Variants in UTP20 observed in about 807,000 individuals in gnomAD.
UTP20 encodes the protein small subunit processome component 20 homolog.
In UTP20, 164 loss-of-function variants were observed where a neutral mutation model predicts 329.5. The observed-to-expected ratio is 0.50, with a 90% CI of 0.44 to 0.57. The LOEUF is 0.57. Ranked by LOEUF, UTP20 falls within the 20% of genes least tolerant of loss-of-function variation. The pLI is 0.00. For missense variants in UTP20, 3,055 were observed against 3,284.2 expected (o/e 0.93, Z 1.71); for synonymous variants, 1,151 against 1,159.3 (o/e 0.99, Z 0.14).
chr12:101,334,506 T>C lies in UTP20; in HGVS notation c.3641+2T>C. Reference sequence around the variant, plus strand: ...CAGTATCTGGAGCAGAAACGCAAGGTATAACCTTTCTTTTTTCCTTCTTTA... The same window carrying C: ...CAGTATCTGGAGCAGAAACGCAAGGCATAACCTTTCTTTTTTCCTTCTTTA... On this transcript the variant is annotated splice_donor_variant, in intron 29 of 61. Coordinates refer to ENST00000261637, the MANE Select transcript of UTP20 (RefSeq NM_014503.3). LOFTEE classifies it high-confidence loss of function. 6.2e-7 allele frequency: 1 copy of C among 1,608,392 alleles called. No individual in the cohort carries two copies. The highest frequency in any genetic ancestry group is 8.5e-7 in the Non-Finnish European group (1 of 1,179,172).
chr12:101,334,532 A>T (rs779556264), intron 29 of UTP20, 28 bp downstream of exon 29: 1 of 1,587,060 alleles, frequency 6.3e-7, no homozygotes, highest in Non-Finnish European at 8.6e-7. Context: ...TCCTTCTTTA[A>T]AAAGGGCAGT....
intron 41 of UTP20, 116 bp downstream of exon 41, chr12:101,355,234 A>G: frequency 8.3e-7 from 1 of 1,200,714 alleles, no homozygotes; most frequent in South Asian, 1.5e-5. Flanking sequence ...ATTTCCTTTT[A>G]TCTCAACACT....
At chr12:101,347,448 A>C (rs1291666215) in intron 38 of UTP20, among the ~76,000 whole-genome samples, 1 of 152,066 alleles carries the variant, frequency 6.6e-6, no homozygotes, top group African/African-American at 2.4e-5. Context: ...ATTTGAACCC[A>C]GGAGGCAGAG....
Position 101,280,261 on chromosome 12 carries a change from G to C in UTP20, c.-22G>C. On this transcript the variant is annotated 5_prime_UTR_variant, in exon 1 of 62. Transcript: ENST00000261637. ...CCTTCGACACTCCCGAGGCCGTCGCGGGCCACTGGCCCTCTGCAGCCATGA... is the reference window on the plus strand; with the variant it reads ...CCTTCGACACTCCCGAGGCCGTCGCCGGCCACTGGCCCTCTGCAGCCATGA... The C allele has an allele frequency of 6.4e-7, 1 of 1,551,648 alleles. No individual in the cohort carries two copies. Among genetic ancestry groups the C allele is most frequent in the Non-Finnish European group, 8.7e-7 (1 of 1,146,944 alleles).
In UTP20 at chr12:101,327,165, G is replaced by A; in HGVS notation, c.3126G>A (p.Leu1042=). 1 of 1,613,212 alleles carries A rather than the reference G, an allele frequency of 6.2e-7. No homozygotes were observed. The highest frequency in any genetic ancestry group is 8.5e-7 in the Non-Finnish European group (1 of 1,179,220). Residue 1042 remains leucine (L), a synonymous_variant, in exon 26 of 62, where the codon CTG becomes CTA. Coordinates refer to ENST00000261637, the MANE Select transcript of UTP20 (RefSeq NM_014503.3). The stretch of plus-strand genomic sequence containing the variant: ...CAGGCACCCGCATGGCCATTGTCCT[G>A]CGGTTCCTGGCCGGGACCCAACCTG... ...SASGTRMAIV[L]RFLAGTQPEE...
In UTP20 at chr12:101,375,683, G is replaced by A; in HGVS notation, c.7323G>A (p.Leu2441=). The change falls in exon 56 of 62, where the codon CTG becomes CTA. Residue 2441 remains leucine, a synonymous_variant. Coordinates refer to ENST00000261637, the MANE Select transcript of UTP20 (RefSeq NM_014503.3). ...ADRLLFSFLT[L]ITKLIKECNI... Reference sequence around the variant, plus strand: ...GCCTTCTGTTTAGTTTTCTTACACTGATAACTAAACTTATCAAGGAATGTA... The same window carrying A: ...GCCTTCTGTTTAGTTTTCTTACACTAATAACTAAACTTATCAAGGAATGTA... 1 of 1,609,700 alleles carries A rather than the reference G, an allele frequency of 6.2e-7. No homozygotes were observed. The highest frequency in any genetic ancestry group is 1.3e-5 in the African/African-American group (1 of 74,888).
At chr12:101,300,460 GCC>G (rs1593422805) in intron 14 of UTP20, among the ~76,000 whole-genome samples, 2 of 152,062 alleles carry the variant, frequency 1.3e-5, no homozygotes, top group East Asian at 3.9e-4. Flanking sequence ...GGCTGCCTTT[GCC>G]CATGTGTTTC....
intron 23 of UTP20, among the ~76,000 whole-genome samples, chr12:101,320,384 C>T (rs1001190653): frequency 9.9e-5 from 15 of 151,926 alleles, no homozygotes; most frequent in East Asian, 7.7e-4. Context: ...GGTGAAACTG[C>T]GTCTCTACCA....
Position 101,320,397 on chromosome 12 carries a change from A to C in UTP20, c.2830-455A>C, listed in dbSNP as rs117521025. On this transcript the variant is annotated intron_variant, in intron 23 of 61. Transcript: ENST00000261637. ...ATGGTGAAACTGCGTCTCTACCAAA[A>C]ACAAAAAAATTAGCCAAGTGTGGTG... Among the ~76,000 whole-genome samples, 94 of 152,146 alleles carry C rather than the reference A, an allele frequency of 6.2e-4. 2 individuals carry two copies. In the East Asian group the frequency reaches 0.017, roughly 28 times the overall value.
intron 15 of UTP20, 40 bp downstream of exon 15, chr12:101,302,593 A>T: frequency 7.5e-7 from 1 of 1,329,878 alleles, no homozygotes; most frequent in Non-Finnish European, 1.0e-6. Flanking sequence ...AATGAATAAA[A>T]TATAAAAGCC....
intron 55 of UTP20, 145 bp from the exon 56 acceptor site, chr12:101,375,479 C>A (rs1042216934): frequency 5.0e-5 from 38 of 755,218 alleles, no homozygotes; most frequent in Admixed American, 2.9e-5. Flanking sequence ...CATGGCAGCC[C>A]CCACAGGAAA....
chr12:101,378,319 A>T (rs533822385), intron 56 of UTP20, among the ~76,000 whole-genome samples: 2 of 152,286 alleles, frequency 1.3e-5, no homozygotes, highest in East Asian at 3.9e-4. Context: ...GCATATAGAA[A>T]ACCTTCAGTA....
intron 25 of UTP20, 124 bp downstream of exon 25, chr12:101,321,753 A>C (rs1258671520): frequency 5.6e-6 from 7 of 1,258,578 alleles, no homozygotes; most frequent in Middle Eastern, 3.0e-4. Flanking sequence ...TTTTGATTGC[A>C]TTTTCTTTGG....
At chr12:101,293,943 G>A (rs1213869182) in intron 11 of UTP20, among the ~76,000 whole-genome samples, 1 of 152,022 alleles carries the variant, frequency 6.6e-6, no homozygotes, top group African/African-American at 2.4e-5. Flanking sequence ...AGTTTAGGAA[G>A]ACAAACCAGG....
rs1869173643 is a variant in UTP20, at chr12:101,342,527, G to A, written c.4183G>A (p.Ala1395Thr). Residue 1395 changes from alanine (A) to threonine (T), a missense_variant, in exon 33 of 62, where the codon GCA becomes ACA. Physicochemically the swap from Ala to Thr is moderately conservative, Grantham distance 58. Around this residue, in one of 3 missense-constraint regions of UTP20, gnomAD observed 2,445 missense variants for 2,575.5 expected, o/e 0.95. Transcript: ENST00000261637. Reference protein sequence around the residue: ...VDPTSFLKPIAKLFSVIKNKL... With the variant: ...VDPTSFLKPITKLFSVIKNKL... The stretch of plus-strand genomic sequence containing the variant: ...CCCTACAAGCTTCCTCAAGCCTATA[G>A]CAAAACTTTTCTCAGTTATTAAGAA... The A allele has an allele frequency of 6.2e-7, 1 of 1,613,684 alleles. No individual in the cohort carries two copies. Among genetic ancestry groups the A allele is most frequent in the South Asian group, 1.1e-5 (1 of 91,052 alleles).
intron 11 of UTP20, among the ~76,000 whole-genome samples, chr12:101,293,651 C>T (rs1372844889): frequency 6.6e-5 from 10 of 152,162 alleles, no homozygotes; most frequent in Admixed American, 6.5e-4. Flanking sequence ...TCATCAAACA[C>T]TTGGCCCTCC....
rs1466891179 is a variant in UTP20 at position 101,286,330 on chromosome 12, A to G, written c.336A>G (p.Val112=). The G allele has an allele frequency of 6.2e-7, 1 of 1,604,654 alleles. No homozygotes were observed. Among genetic ancestry groups the G allele is most frequent in the Non-Finnish European group, 8.5e-7 (1 of 1,176,060 alleles). The change falls in exon 5 of 62, where the codon GTA becomes GTG. Residue 112 remains valine, a synonymous_variant. Transcript: ENST00000261637. ...FAYQPLLDLV[V]QLARDLQMDF... is the part of the protein sequence containing the mutation. ...TCTTTTTTTAATCCAGTTTGGTTGT[A>G]CAGTTGGCACGAGATCTGCAGATGG...
intron 27 of UTP20, among the ~76,000 whole-genome samples, chr12:101,332,401 C>T (rs1868789534): frequency 6.6e-6 from 1 of 152,106 alleles, no homozygotes; most frequent in African/African-American, 2.4e-5. Flanking sequence ...ATAAATTTGC[C>T]TTTAATAAGA....
chr12:101,340,283 A>G (rs1230716513), intron 31 of UTP20, among the ~76,000 whole-genome samples: 2 of 152,208 alleles, frequency 1.3e-5, no homozygotes, highest in East Asian at 3.8e-4. Context: ...TAACCCACAC[A>G]ATCAGATATT....
Sources: gnomAD v4.1 joint callset for allele counts (sites outside exome capture counted in the v4.1 genomes callset) on GRCh38, gnomAD v4.1.1 for gene constraint, gnomAD v4.1.1 regional missense constraint, MANE v1.5 for transcripts, NCBI Gene and HGNC (gene_info 2026-07-23, HGNC 2026-07-21) for gene names.